The following METTL25 variants were observed in gnomAD, a reference collection of about 807,000 sequenced individuals.
METTL25 encodes the protein probable methyltransferase-like protein 25.
METTL25 carries 64 observed loss-of-function variants against 71.6 expected under a neutral mutation model. The observed-to-expected ratio is 0.89, with a 90% confidence interval of 0.73 to 1.10. METTL25 has a LOEUF of 1.10. METTL25 is among the 50% of genes least tolerant of loss of function. The pLI is 0.00. For missense variants in METTL25, 807 were observed against 707.0 expected, an observed-to-expected ratio of 1.14 and a Z score of -1.60; for synonymous variants, 287 against 250.3, an observed-to-expected ratio of 1.15 and a Z score of -1.38.
intron 3 of METTL25, among the ~76,000 whole-genome samples, chr12:82,392,649 A>G (rs1885704151): frequency 6.6e-6 from 1 of 151,750 alleles, no homozygotes; most frequent in African/African-American, 2.4e-5. Context: ...ATTTTTGTCC[A>G]TTGCCCATTT....
intron 9 of METTL25, among the ~76,000 whole-genome samples, chr12:82,473,009 T>C (rs1026647770): frequency 7.2e-5 from 11 of 152,232 alleles, no homozygotes; most frequent in Non-Finnish European, 1.6e-4. Flanking sequence ...GGGATATTAG[T>C]TGGGTGGGGT....
intron 1 of METTL25, chr12:82,369,366 G>T (rs542059398): frequency 1.0e-5 from 4 of 383,328 alleles, no homozygotes; most frequent in Non-Finnish European, 2.1e-5. Flanking sequence ...TTTTGTGTCC[G>T]GAATTGTTTG....
At chr12:82,401,479 T>C (rs1886617658) in intron 4 of METTL25, among the ~76,000 whole-genome samples, 2 of 152,166 alleles carry the variant, frequency 1.3e-5, no homozygotes, top group African/African-American at 4.8e-5. Context: ...ACTGTTATTA[T>C]CTCCATCTTA....
intron 8 of METTL25, among the ~76,000 whole-genome samples, chr12:82,443,676 G>A (rs1042100200): frequency 6.6e-6 from 1 of 152,064 alleles, no homozygotes; most frequent in Non-Finnish European, 1.5e-5. Context: ...TTATGGAGAG[G>A]GCCTCAGCTG....
At chr12:82,461,031 T>A (rs1891839969) in intron 9 of METTL25, among the ~76,000 whole-genome samples, 1 of 152,044 alleles carries the variant, frequency 6.6e-6, no homozygotes, top group Non-Finnish European at 1.5e-5. Context: ...TGGTCCCAGC[T>A]ACTCAGGAGG....
intron 9 of METTL25, among the ~76,000 whole-genome samples, chr12:82,472,453 C>T (rs1892625851): frequency 6.6e-6 from 1 of 152,088 alleles, no homozygotes; most frequent in Non-Finnish European, 1.5e-5. Flanking sequence ...AAAAAATTAG[C>T]CAGGCGTGGT....
chr12:82,458,967 CAT>C (rs1475348282), intron 9 of METTL25, among the ~76,000 whole-genome samples: 4 of 152,146 alleles, frequency 2.6e-5, no homozygotes, highest in South Asian at 4.1e-4. Flanking sequence ...AAGACTGAGA[CAT>C]AATTATAGGA....
At chr12:82,459,082 G>A (rs368456451) in intron 9 of METTL25, among the ~76,000 whole-genome samples, 47 of 152,008 alleles carry the variant, frequency 3.1e-4, no homozygotes, top group African/African-American at 9.7e-4. Flanking sequence ...CTATTATCTC[G>A]CTATCGAGAA....
At position 82,386,942 on chromosome 12, in the gene METTL25, T is replaced by C; in HGVS notation, c.399T>C (p.Leu133=). 1.2e-6 allele frequency: 2 copies of C among 1,612,948 alleles called. No homozygotes were observed. Among genetic ancestry groups the C allele is most frequent in the Non-Finnish European group, 1.7e-6 (2 of 1,179,348 alleles). Residue 133 remains leucine (L), a synonymous_variant, in exon 2 of 12, where the codon CTT becomes CTC. Transcript: ENST00000248306. ...CTPFEQLLVA[L]RGNQNQRIGE... ...CTTTTGAACAGTTGCTTGTAGCCCTTCGAGGAAATCAAAACCAGAGAATTG... is the reference window on the plus strand; with the variant it reads ...CTTTTGAACAGTTGCTTGTAGCCCTCCGAGGAAATCAAAACCAGAGAATTG...
intron 5 of METTL25, among the ~76,000 whole-genome samples, chr12:82,405,412 A>T (rs1190479789): frequency 6.6e-6 from 1 of 152,036 alleles, no homozygotes; most frequent in African/African-American, 2.4e-5. Flanking sequence ...ATAGATTCAG[A>T]TTTAGGTGAC....
intron 5 of METTL25, among the ~76,000 whole-genome samples, chr12:82,425,402 T>C (rs1358886417): frequency 1.3e-5 from 2 of 152,038 alleles, no homozygotes; most frequent in Non-Finnish European, 2.9e-5. Context: ...CACAGGAACA[T>C]TTCATAGGCA....
At chr12:82,435,460 C>A (rs1175328809) in intron 7 of METTL25, among the ~76,000 whole-genome samples, 4 of 151,526 alleles carry the variant, frequency 2.6e-5, no homozygotes, top group East Asian at 1.9e-4. Context: ...ATGTAATTAT[C>A]TTTTTAATAT....
At chr12:82,369,386 G>C in intron 1 of METTL25, 1 of 407,914 alleles carries the variant, frequency 2.5e-6, no homozygotes, top group South Asian at 1.8e-5. Flanking sequence ...GTTCCTCCCA[G>C]TGGGTTCTTG....
At chr12:82,396,377 A>G (rs940514424) in intron 3 of METTL25, among the ~76,000 whole-genome samples, 53 of 152,190 alleles carry the variant, frequency 3.5e-4, no homozygotes, top group African/African-American at 1.3e-3. Context: ...AGTTTTTCCT[A>G]TGAACTGGTC....
At chr12:82,382,555 T>C (rs886309260) in intron 1 of METTL25, among the ~76,000 whole-genome samples, 5 of 152,172 alleles carry the variant, frequency 3.3e-5, no homozygotes, top group Non-Finnish European at 4.4e-5. Flanking sequence ...CTGTCATTCA[T>C]GCAATTCATT....
Position 82,438,783 on chromosome 12 carries a change from C to A in METTL25, c.1470C>A (p.Ile490=). 6.7e-7 allele frequency: 1 copy of A among 1,496,248 alleles called. No homozygotes were observed. Among genetic ancestry groups the A allele is most frequent in the South Asian group, 1.2e-5 (1 of 80,482 alleles). The allele number at this position is 1,496,248 out of a possible 1,614,324, so 92.7% of individuals were successfully genotyped here. Residue 490 remains isoleucine, a synonymous_variant, in exon 8 of 12, where the codon ATC becomes ATA. Coordinates refer to ENST00000248306, the MANE Select transcript of METTL25 (RefSeq NM_032230.3). ...ATATTATTAAAGATTGTTATGGCAT[C>A]ACCAAATGGTATGAGGATTTTATTT... ...LQDIIKDCYG[I]TKCDRHVGKI...
chr12:82,479,015 G>A lies in METTL25; in HGVS notation c.1803G>A (p.Lys601=), dbSNP rs1893047565. 1.2e-6 allele frequency: 2 copies of A among 1,611,648 alleles called. No individual in the cohort carries two copies. Among genetic ancestry groups the A allele is most frequent in the East Asian group, 2.2e-5 (1 of 44,766 alleles). ...PRCYAVIALK[K]QQ is the part of the protein sequence containing the mutation. ...GTTATGCTGTTATTGCCCTGAAGAA[G>A]CAGCAGTGATTTCCATTGAAGCAAA... The change falls in exon 12 of 12, where the codon AAG becomes AAA. Residue 601 remains lysine, a synonymous_variant. Coordinates refer to ENST00000248306, the MANE Select transcript of METTL25 (RefSeq NM_032230.3).
intron 5 of METTL25, among the ~76,000 whole-genome samples, chr12:82,415,474 TTTAC>T (rs1887899955): frequency 6.6e-6 from 1 of 152,084 alleles, no homozygotes; most frequent in African/African-American, 2.4e-5. Flanking sequence ...TGTAATTAGA[TTTAC>T]TAAGAATGGG....
intron 5 of METTL25, among the ~76,000 whole-genome samples, chr12:82,419,693 T>TA (rs57698458): frequency 4.8e-4 from 70 of 145,234 alleles, no homozygotes; most frequent in African/African-American, 1.3e-3. Context: ...TGACTGCTAT[T>TA]AAAAAAAAAA....
Sources: allele counts gnomAD v4.1 joint callset (sites outside exome capture counted in the v4.1 genomes callset), GRCh38; gene constraint gnomAD v4.1.1; transcripts MANE v1.5; gene names NCBI Gene and HGNC (gene_info 2026-07-23, HGNC 2026-07-21).